Variants in NRXN3 observed in about 807,000 individuals in gnomAD.
The protein encoded by NRXN3 is neurexin III.
A neutral mutation model predicts 137.6 loss-of-function variants in NRXN3; 32 were observed. The ratio of observed to expected loss-of-function variants is 0.23; its 90% confidence interval spans 0.18 to 0.31. The LOEUF is 0.31. Ranked by LOEUF, NRXN3 falls within the 10% of genes least tolerant of loss-of-function variation. The pLI is 1.00. For synonymous variants in NRXN3, 798 were observed against 784.5 expected (o/e 1.02, Z -0.29); for missense variants, 1,574 against 2,062.5 (o/e 0.76, Z 4.59).
Position 78,968,198 on chromosome 14 carries a change from C to T in NRXN3, c.2994C>T (p.Ala998=), listed in dbSNP as rs780167573. The change falls in exon 14 of 21, where the codon GCC becomes GCT. Residue 998 remains alanine, a synonymous_variant. Transcript: ENST00000335750. ...LKGDLYMAGL[A]QGMYSNLPKL... is the part of the protein sequence containing the mutation. ...GTGATCTCTATATGGCTGGTCTGGC[C>T]CAAGGCATGTACAGCAACCTCCCAA... The T allele has an allele frequency of 6.2e-7, 1 of 1,613,556 alleles. No homozygotes were observed. The highest frequency in any genetic ancestry group is 8.5e-7 in the Non-Finnish European group (1 of 1,179,756).
At chr14:79,287,642 A>G (rs1159600866) in intron 15 of NRXN3, among the ~76,000 whole-genome samples, 1 of 152,192 alleles carries the variant, frequency 6.6e-6, no homozygotes, top group East Asian at 1.9e-4. Flanking sequence ...GCACAATATT[A>G]TGCCAGAACT....
At chr14:78,372,604 G>A (rs2087067798) in intron 4 of NRXN3, among the ~76,000 whole-genome samples, 1 of 152,190 alleles carries the variant, frequency 6.6e-6, no homozygotes, top group East Asian at 1.9e-4. Context: ...TAGGATTACA[G>A]ACATAAGCCA....
intron 8 of NRXN3, among the ~76,000 whole-genome samples, chr14:78,802,154 T>G: frequency 6.6e-6 from 1 of 152,230 alleles, no homozygotes; most frequent in East Asian, 1.9e-4. Context: ...CTAGTGAATA[T>G]TTAAACAAAT....
intron 15 of NRXN3, among the ~76,000 whole-genome samples, chr14:79,112,403 G>A (rs1230137556): frequency 6.6e-6 from 1 of 152,194 alleles, no homozygotes; most frequent in African/African-American, 2.4e-5. Context: ...CCTGGCTGGC[G>A]GCAATATTGT....
chr14:78,607,729 C>A (rs969534500), intron 4 of NRXN3, among the ~76,000 whole-genome samples: 8 of 152,162 alleles, frequency 5.3e-5, no homozygotes, highest in Non-Finnish European at 7.3e-5. Context: ...ACCAGGCATA[C>A]TATGTTGCTA....
intron 4 of NRXN3, among the ~76,000 whole-genome samples, chr14:78,466,766 T>C (rs2095118654): frequency 6.6e-6 from 1 of 152,222 alleles, no homozygotes; most frequent in Non-Finnish European, 1.5e-5. Flanking sequence ...ATGAGTTAAC[T>C]CTTCTCTATT....
intron 15 of NRXN3, among the ~76,000 whole-genome samples, chr14:79,431,260 A>T (rs2095749568): frequency 6.6e-6 from 1 of 152,204 alleles, no homozygotes; most frequent in Admixed American, 6.5e-5. Flanking sequence ...AAGCTTGTGT[A>T]GACCTTTGTC....
intron 15 of NRXN3, among the ~76,000 whole-genome samples, chr14:79,205,910 C>G (rs1464382601): frequency 6.6e-6 from 1 of 152,118 alleles, no homozygotes; most frequent in African/African-American, 2.4e-5. Flanking sequence ...TTTAGGCTCT[C>G]CCTGAATATA....
At chr14:78,447,868 A>G (rs999027581) in intron 4 of NRXN3, among the ~76,000 whole-genome samples, 9 of 152,172 alleles carry the variant, frequency 5.9e-5, no homozygotes, top group African/African-American at 2.2e-4. Flanking sequence ...ATATCTCCAT[A>G]TGGGATGATT....
At chr14:78,468,592 C>T (rs2095182612) in intron 4 of NRXN3, among the ~76,000 whole-genome samples, 1 of 152,152 alleles carries the variant, frequency 6.6e-6, no homozygotes. Flanking sequence ...CTGTGGCATT[C>T]TATTGATTGA....
At chr14:78,957,514 T>C (rs61995263) in intron 11 of NRXN3, among the ~76,000 whole-genome samples, 153 bp downstream of exon 11, 5,358 of 152,266 alleles carry the variant, frequency 0.035, 184 homozygotes, top group African/African-American at 0.077. Context: ...GCTAAGAAGG[T>C]CTTCCTCTGT....
At chr14:79,178,214 C>T (rs1568512311) in intron 15 of NRXN3, among the ~76,000 whole-genome samples, 2 of 152,188 alleles carry the variant, frequency 1.3e-5, no homozygotes. Flanking sequence ...GATACTGATG[C>T]ACACTTTGAG....
chr14:79,540,522 T>C (rs144527245), intron 16 of NRXN3, among the ~76,000 whole-genome samples: 81 of 152,314 alleles, frequency 5.3e-4, no homozygotes, highest in African/African-American at 1.8e-3. Flanking sequence ...CACCGGAGCT[T>C]ATTCCCTCCA....
chr14:79,663,541 A>G (rs1046708158), intron 16 of NRXN3, among the ~76,000 whole-genome samples: 1 of 152,106 alleles, frequency 6.6e-6, no homozygotes, highest in Non-Finnish European at 1.5e-5. Context: ...GGGGAATTGA[A>G]TGATGTAACC....
chr14:78,976,011 A>G (rs550906679), intron 14 of NRXN3, among the ~76,000 whole-genome samples: 1 of 152,290 alleles, frequency 6.6e-6, no homozygotes, highest in East Asian at 1.9e-4. Flanking sequence ...TACCTTGGAC[A>G]GAATGACAGC....
chr14:79,257,227 C>G (rs1459366479), intron 15 of NRXN3, among the ~76,000 whole-genome samples: 1 of 151,920 alleles, frequency 6.6e-6, no homozygotes, highest in Non-Finnish European at 1.5e-5. Flanking sequence ...AATTCTCTGC[C>G]AACCTCCGTT....
chr14:79,523,195 CT>C (rs2097085517), intron 16 of NRXN3, among the ~76,000 whole-genome samples: 1 of 152,092 alleles, frequency 6.6e-6, no homozygotes, highest in Non-Finnish European at 1.5e-5. Flanking sequence ...TTGGCCATCT[CT>C]TTAATGCAAT....
intron 15 of NRXN3, among the ~76,000 whole-genome samples, chr14:79,273,330 GTAA>G (rs924307653): frequency 5.3e-5 from 8 of 151,000 alleles, no homozygotes; most frequent in African/African-American, 1.5e-4. Flanking sequence ...AATAATGGTA[GTAA>G]TAATAATAAT....
Position 79,861,864 on chromosome 14 carries a change from A to C in NRXN3, c.4616A>C (p.Asn1539Thr). 2 of 1,613,994 alleles carry C rather than the reference A, an allele frequency of 1.2e-6. No individual in the cohort carries two copies. The highest frequency in any genetic ancestry group is 1.7e-5 in the Admixed American group (1 of 59,986). Reference sequence around the variant, plus strand: ...GACGAGACGCGGAACTACATCAGCAACTCCGCCCAGAGCAACGGCACGCTC... The same window carrying C: ...GACGAGACGCGGAACTACATCAGCACCTCCGCCCAGAGCAACGGCACGCTC... ...QVDETRNYIS[N>T]SAQSNGTLMK... The change falls in exon 21 of 21, where the codon AAC becomes ACC. Residue 1539 changes from asparagine to threonine, a missense_variant. Transcript: ENST00000335750. This position sits in a 1 kb window ranked among gnomAD's most constrained non-coding sequence, Gnocchi z 5.4.
Sources: gnomAD v4.1 joint callset for allele counts (sites outside exome capture counted in the v4.1 genomes callset) on GRCh38, gnomAD v4.1.1 for gene constraint, Gnocchi (gnomAD v3.1) non-coding constraint, MANE v1.5 for transcripts, NCBI Gene and HGNC (gene_info 2026-07-23, HGNC 2026-07-21) for gene names.